The following CECR2 variants were observed in gnomAD, a reference collection of about 807,000 sequenced individuals.
The protein encoded by CECR2 is chromatin remodeling regulator CECR2.
Under a neutral mutation model 154.5 loss-of-function variants are expected in CECR2, and 30 were observed. The ratio of observed to expected loss-of-function variants is 0.19; its 90% CI spans 0.15 to 0.26. The LOEUF (loss-of-function observed/expected upper bound fraction) is 0.26, where lower values mean the gene tolerates loss of function less well. CECR2 is among the 10% of genes least tolerant of loss of function. The pLI is 1.00. For synonymous variants in CECR2, 725 were observed against 683.7 expected (o/e 1.06, Z -0.94); for missense variants, 1,743 against 1,829.3 (o/e 0.95, Z 0.86).
chr22:17,477,222 A>G (rs9605304), intron 1 of CECR2: 139,483 of 698,256 alleles, frequency 0.2, 16,530 homozygotes, highest in Non-Finnish European at 0.25. Flanking sequence ...CTCTTTTGCG[A>G]TTAAAATAGC....
At chr22:17,511,779 T>A in intron 7 of CECR2, 34 bp from the exon 8 acceptor site, 2 of 1,579,716 alleles carry the variant, frequency 1.3e-6, no homozygotes, top group South Asian at 2.2e-5. Flanking sequence ...CCCTAATCTA[T>A]CTTTTCCTTT....
chr22:17,526,642 C>G (rs992250984), intron 9 of CECR2, among the ~76,000 whole-genome samples: 1 of 152,064 alleles, frequency 6.6e-6, no homozygotes, highest in Non-Finnish European at 1.5e-5. Flanking sequence ...AACCCCGTCT[C>G]TACTAAAAAT....
chr22:17,429,481 C>T (rs911519954), intron 1 of CECR2, among the ~76,000 whole-genome samples: 1 of 146,274 alleles, frequency 6.8e-6, no homozygotes, highest in African/African-American at 2.6e-5. Flanking sequence ...GTAGTCGGAT[C>T]GCTTGAGCCC....
intron 3 of CECR2, 99 bp from the exon 4 acceptor site, chr22:17,499,311 G>T: frequency 7.0e-7 from 1 of 1,424,854 alleles, no homozygotes; most frequent in Non-Finnish European, 9.5e-7. Context: ...TTTTAGATTT[G>T]AGTTATGCTT....
chr22:17,417,660 C>G (rs1176178712), intron 1 of CECR2, among the ~76,000 whole-genome samples: 1 of 152,084 alleles, frequency 6.6e-6, no homozygotes, highest in Non-Finnish European at 1.5e-5. Context: ...GTTTTTTCAG[C>G]CAGGCTGGAG....
intron 7 of CECR2, among the ~76,000 whole-genome samples, chr22:17,507,063 T>A (rs972930114): frequency 3.3e-5 from 5 of 152,214 alleles, no homozygotes; most frequent in African/African-American, 9.6e-5. Flanking sequence ...CCAGAAATAT[T>A]TGACCACTTG....
At chr22:17,423,486 G>A (rs181083127) in intron 1 of CECR2, among the ~76,000 whole-genome samples, 77 of 145,264 alleles carry the variant, frequency 5.3e-4, no homozygotes, top group African/African-American at 1.9e-3. Context: ...CAGCCTGGGC[G>A]ACTGAGCGAG....
chr22:17,454,254 G>A (rs546192944), intron 1 of CECR2, among the ~76,000 whole-genome samples: 4 of 152,022 alleles, frequency 2.6e-5, no homozygotes, highest in African/African-American at 9.6e-5. Flanking sequence ...AGCCATGATC[G>A]CACCACTGCA....
chr22:17,464,913 T>A (rs968250377), intron 1 of CECR2, among the ~76,000 whole-genome samples: 3 of 152,188 alleles, frequency 2.0e-5, no homozygotes, highest in Non-Finnish European at 2.9e-5. Flanking sequence ...TTTTTCTAAG[T>A]CACAATTTCT....
intron 9 of CECR2, among the ~76,000 whole-genome samples, chr22:17,531,332 G>A (rs995054040): frequency 2.6e-5 from 4 of 152,232 alleles, no homozygotes; most frequent in Non-Finnish European, 5.9e-5. Flanking sequence ...GTGCGGCTTC[G>A]CAGATGCAGG....
chr22:17,468,757 A>G (rs1314903326), intron 1 of CECR2, among the ~76,000 whole-genome samples: 2 of 152,178 alleles, frequency 1.3e-5, no homozygotes, highest in Non-Finnish European at 2.9e-5. Flanking sequence ...AAAATTGGAT[A>G]TGTAACCGTC....
chr22:17,375,105 T>C (rs1256712965), intron 1 of CECR2, among the ~76,000 whole-genome samples: 1 of 138,796 alleles, frequency 7.2e-6, no homozygotes, highest in Admixed American at 7.4e-5. Flanking sequence ...TTCATTCATT[T>C]ATTTCAGCAA....
At chr22:17,378,070 G>C (rs967651725) in intron 1 of CECR2, among the ~76,000 whole-genome samples, 5 of 151,256 alleles carry the variant, frequency 3.3e-5, no homozygotes, top group African/African-American at 1.2e-4. Context: ...TGCAACCTCC[G>C]CCCCCCGGGT....
chr22:17,501,114 A>T (rs2055729800), intron 5 of CECR2, among the ~76,000 whole-genome samples: 1 of 152,164 alleles, frequency 6.6e-6, no homozygotes, highest in Non-Finnish European at 1.5e-5. Context: ...TTGCTATAGG[A>T]CTTTTCAAAA....
intron 1 of CECR2, among the ~76,000 whole-genome samples, chr22:17,443,228 C>CA (rs1423087776): frequency 6.6e-6 from 1 of 152,182 alleles, no homozygotes; most frequent in Non-Finnish European, 1.5e-5. Context: ...GTTGGGCATC[C>CA]AGTTAGAGCT....
At position 17,502,463 on chromosome 22, in the gene CECR2, C is replaced by CA. The variant is rs903665041; in HGVS notation, c.651-611dup. Among the ~76,000 whole-genome samples, 10 of 151,550 alleles carry CA rather than the reference C, an allele frequency of 6.6e-5. No homozygotes were observed. The South Asian group carries it at 1.0e-3, about 16-fold the overall frequency. On this transcript the variant is annotated intron_variant, in intron 5 of 18. Transcript: ENST00000262608. ...GTGATAAAAAACAAGAACAAACAAA[C>CA]AAAAAAAACAGTGCATCTGTTTGAT...
chr22:17,481,627 A>C lies in CECR2; in HGVS notation c.221+3945A>C, dbSNP rs574765915. Among the ~76,000 whole-genome samples, 13 of 152,318 alleles carry C rather than the reference A, an allele frequency of 8.5e-5. No individual in the cohort carries two copies. In the South Asian group the frequency reaches 2.7e-3, roughly 32 times the overall value. Reference sequence around the variant, plus strand: ...AAAGGGCCAGATAGTCAATACAGGCATGCATCACATACTGTCATTTTGTTC... The same window carrying C: ...AAAGGGCCAGATAGTCAATACAGGCCTGCATCACATACTGTCATTTTGTTC... On this transcript the variant is annotated intron_variant, in intron 2 of 18. Transcript: ENST00000262608.
intron 16 of CECR2, among the ~76,000 whole-genome samples, chr22:17,545,796 T>A (rs1465942696): frequency 1.4e-5 from 2 of 143,850 alleles, no homozygotes; most frequent in African/African-American, 5.2e-5. Flanking sequence ...TGAGCCGAGA[T>A]CACATCACTG....
At position 17,469,315 on chromosome 22, in the gene CECR2, G is replaced by A. The variant is rs117732395; in HGVS notation, c.127-8273G>A. 7.7e-3 allele frequency among the ~76,000 whole-genome samples: 1,177 copies of A among 152,172 alleles called. 66 individuals are homozygous for A. In the East Asian group the frequency reaches 0.16, roughly 21 times the overall value. On this transcript the variant is annotated intron_variant, in intron 1 of 18. Transcript: ENST00000262608. ...TAGTTTTCTAGTATTTGAATTTTGG[G>A]GGACACACTGAGACCAGCAGTACTT...
Sources: gnomAD v4.1 joint callset for allele counts (sites outside exome capture counted in the v4.1 genomes callset) on GRCh38, gnomAD v4.1.1 for gene constraint, MANE v1.5 for transcripts, NCBI Gene and HGNC (gene_info 2026-07-23, HGNC 2026-07-21) for gene names.